Variants in CAPN11 observed in about 807,000 individuals in gnomAD.
The protein encoded by CAPN11 is calpain 11.
In CAPN11, 108 loss-of-function variants were observed where a neutral mutation model predicts 105.3. That is an observed-to-expected ratio of 1.03 (90% CI 0.88 to 1.20). CAPN11 has a LOEUF of 1.20. Among genes scored for constraint, CAPN11 ranks in the 50% most tolerant of loss-of-function variants. The pLI is 0.00. For missense variants in CAPN11, 883 were observed against 924.8 expected, an observed-to-expected ratio of 0.95 and a Z score of 0.59; for synonymous variants, 329 against 344.5, an observed-to-expected ratio of 0.96 and a Z score of 0.50.
intron 4 of CAPN11, among the ~76,000 whole-genome samples, chr6:44,171,124 T>G (rs1366999505): frequency 3.9e-5 from 6 of 152,242 alleles, no homozygotes; most frequent in African/African-American, 1.4e-4. Context: ...GGAGCGCCCT[T>G]GATATTCCTC....
intron 2 of CAPN11, among the ~76,000 whole-genome samples, chr6:44,168,649 T>A (rs1433662312): frequency 6.6e-6 from 1 of 151,784 alleles, no homozygotes; most frequent in Non-Finnish European, 1.5e-5. Flanking sequence ...TGAGACAGAG[T>A]TTCGCTCTTG....
intron 12 of CAPN11, among the ~76,000 whole-genome samples, chr6:44,178,330 A>C (rs945399564): frequency 1.1e-4 from 17 of 152,108 alleles, no homozygotes; most frequent in African/African-American, 3.9e-4. Context: ...CCGACAATCC[A>C]TCCCCCTTGT....
chr6:44,169,127 T>A, intron 2 of CAPN11, 154 bp from the exon 3 acceptor site: 1 of 859,130 alleles, frequency 1.2e-6, no homozygotes, highest in Non-Finnish European at 1.8e-6. Context: ...CGAGATGAGA[T>A]CTCACCATGT....
At chr6:44,170,063 G>T in intron 4 of CAPN11, 88 bp downstream of exon 4, 1 of 993,618 alleles carries the variant, frequency 1.0e-6, no homozygotes, top group South Asian at 1.4e-5. Flanking sequence ...GGGAAACAGG[G>T]AGCCCTGAGG....
At chr6:44,166,057 G>A (rs908337532) in intron 1 of CAPN11, among the ~76,000 whole-genome samples, 9 of 152,018 alleles carry the variant, frequency 5.9e-5, no homozygotes, top group Admixed American at 2.0e-4. Context: ...TGTGGGATGC[G>A]GTGTGTTGGG....
Position 44,184,202 on chromosome 6 carries a change from T to C in CAPN11, c.*270T>C, listed in dbSNP as rs1774214807. 2 of 542,302 alleles carry C rather than the reference T, an allele frequency of 3.7e-6. No homozygotes were observed. The highest frequency in any genetic ancestry group is 6.6e-6 in the Non-Finnish European group (2 of 303,098). 33.6% of individuals were successfully genotyped at this position (542,302 alleles called of 1,614,324 possible). A position where few individuals can be genotyped will look rare whatever the true frequency, so the allele number is the denominator to read the frequency against. On this transcript the variant is annotated 3_prime_UTR_variant, in exon 23 of 23. Transcript: ENST00000398776. ...CACCATCGCTCTCTCAGAGTATATT[T>C]TACTAAAGAGTAGTTGATGCTTCCC... is the stretch of plus-strand genomic sequence containing the variant.
At position 44,176,894 on chromosome 6, in the gene CAPN11, C is replaced by T. The variant is rs774017414; in HGVS notation, c.1133C>T (p.Thr378Met). The T allele has an allele frequency of 2.9e-5, 46 of 1,613,870 alleles. No homozygotes were observed. Among genetic ancestry groups the T allele is most frequent in the Admixed American group, 1.0e-4 (6 of 60,008 alleles). ...ACGCTCCTGGAGATCTGCAACCTCA[C>T]GCCTGATACACTCTCTGGGGACTAC... ...NFTLLEICNL[T>M]PDTLSGDYKS... The change falls in exon 11 of 23, where the codon ACG (threonine) becomes ATG (methionine). Residue 378 changes from threonine (T) to methionine (M), a missense_variant. By Grantham distance (81) the Thr-to-Met change is moderately conservative (BLOSUM62 -1). Transcript: ENST00000398776.
At chr6:44,165,960 G>T (rs1382608101) in intron 1 of CAPN11, among the ~76,000 whole-genome samples, 1 of 152,134 alleles carries the variant, frequency 6.6e-6, no homozygotes, top group Non-Finnish European at 1.5e-5. Flanking sequence ...TTGTCTGAAG[G>T]CCCTGGCCTC....
At chr6:44,182,306 C>CAT (rs143072463) in intron 19 of CAPN11, among the ~76,000 whole-genome samples, 14,721 of 66,732 alleles carry the variant, frequency 0.22, 2,250 homozygotes, top group African/African-American at 0.33. Context: ...CACACACACA[C>CAT]ACACACTCAC....
intron 19 of CAPN11, among the ~76,000 whole-genome samples, chr6:44,182,285 C>CCA (rs70993439): frequency 0.13 from 7,920 of 59,306 alleles, 2,207 homozygotes; most frequent in East Asian, 0.49. Context: ...CACAACCACA[C>CCA]CACACACACA....
intron 19 of CAPN11, among the ~76,000 whole-genome samples, chr6:44,182,717 G>A (rs966612337): frequency 3.9e-5 from 6 of 152,138 alleles, no homozygotes; most frequent in Admixed American, 1.3e-4. Context: ...GGGATTACAG[G>A]CATGCACCAC....
chr6:44,181,420 AC>A, intron 19 of CAPN11, 100 bp downstream of exon 19: 3 of 308,820 alleles, frequency 9.7e-6, no homozygotes, highest in Non-Finnish European at 1.5e-5. Context: ...CCCTAACCAC[AC>A]ACACACACAC....
chr6:44,179,705 A>T, intron 13 of CAPN11, 75 bp downstream of exon 13: 1 of 1,509,534 alleles, frequency 6.6e-7, no homozygotes. Context: ...TGGATTGGCA[A>T]AGGGTGGAAT....
chr6:44,183,392 T>C, intron 21 of CAPN11, 157 bp downstream of exon 21: 1 of 624,684 alleles, frequency 1.6e-6, no homozygotes, highest in African/African-American at 1.8e-5. Context: ...CTGGCAGAGG[T>C]GACTTGAGCA....
intron 19 of CAPN11, among the ~76,000 whole-genome samples, chr6:44,181,822 C>T (rs1159891578): frequency 2.9e-5 from 1 of 34,774 alleles, no homozygotes; most frequent in East Asian, 3.8e-4. Flanking sequence ...GACACAACCA[C>T]ACCACACACA....
In CAPN11 at chr6:44,176,827, C is replaced by T. The variant is rs1453285936; in HGVS notation, c.1077-11C>T. ...GTGCTGCTGACGGGCTCCACCCCCACCCCACCACAGGATGTCCTACCAAGA... is the reference window on the plus strand; with the variant it reads ...GTGCTGCTGACGGGCTCCACCCCCATCCCACCACAGGATGTCCTACCAAGA... On this transcript the variant is annotated splice_polypyrimidine_tract_variant and intron_variant, in intron 10 of 22. Transcript: ENST00000398776. 15 of 1,613,350 alleles carry T rather than the reference C, an allele frequency of 9.3e-6. 1 individual carries two copies. In the Admixed American group the frequency reaches 2.5e-4, roughly 27 times the overall value.
Position 44,179,611 on chromosome 6 carries a change from C to T in CAPN11, c.1417-8C>T, listed in dbSNP as rs1263707234. 2.5e-6 allele frequency: 4 copies of T among 1,613,100 alleles called. No individual in the cohort carries two copies. Among genetic ancestry groups the T allele is most frequent in the African/African-American group, 2.7e-5 (2 of 74,892 alleles). ...GAGATCTGACTCTCCTCTTTCTTCCCTTCCCAGGTCCCAAAAGAGGTACAG... is the reference window on the plus strand; with the variant it reads ...GAGATCTGACTCTCCTCTTTCTTCCTTTCCCAGGTCCCAAAAGAGGTACAG... On this transcript the variant is annotated splice_region_variant and splice_polypyrimidine_tract_variant and intron_variant, in intron 12 of 22. Transcript: ENST00000398776.
intron 1 of CAPN11, among the ~76,000 whole-genome samples, chr6:44,164,765 G>C (rs1233913758): frequency 6.6e-6 from 1 of 152,232 alleles, no homozygotes; most frequent in East Asian, 1.9e-4. Flanking sequence ...CGTGGGGCCA[G>C]ATGGCAGGTG....
chr6:44,169,924 C>T lies in CAPN11; in HGVS notation c.358C>T (p.Leu120=). The T allele has an allele frequency of 1.2e-6, 2 of 1,612,162 alleles. No homozygotes were observed. Among genetic ancestry groups the T allele is most frequent in the Non-Finnish European group, 8.5e-7 (1 of 1,179,068 alleles). Residue 120 remains leucine, a synonymous_variant, in exon 4 of 23, where the codon CTA becomes TTA. Transcript: ENST00000398776. Reference sequence around the variant, plus strand: ...ACTGCAGGATATCATAAACAACCCTCTATTCATCATGGATGGGATTTCTCC... The same window carrying T: ...ACTGCAGGATATCATAAACAACCCTTTATTCATCATGGATGGGATTTCTCC... ...QRPKDIINNP[L]FIMDGISPTD...
Sources: gnomAD v4.1 joint callset for allele counts (sites outside exome capture counted in the v4.1 genomes callset) on GRCh38, gnomAD v4.1.1 for gene constraint, MANE v1.5 for transcripts, NCBI Gene and HGNC (gene_info 2026-07-23, HGNC 2026-07-21) for gene names.